The following DSCAML1 variants were observed in gnomAD, a reference collection of about 807,000 sequenced individuals.
The protein encoded by DSCAML1 is DS cell adhesion molecule like 1.
A neutral mutation model predicts 200.5 loss-of-function variants in DSCAML1; 38 were observed. The observed-to-expected ratio is 0.19, with a 90% CI of 0.15 to 0.25. The LOEUF is 0.25. Among genes scored for constraint, DSCAML1 ranks in the 10% least tolerant of loss-of-function variants. The pLI is 1.00. For synonymous variants in DSCAML1, 1,215 were observed against 1,165.0 expected, an observed-to-expected ratio of 1.04 and a Z score of -0.87; for missense variants, 2,223 against 2,858.8, an observed-to-expected ratio of 0.78 and a Z score of 5.07.
chr11:117,563,293 C>T (rs747711607), intron 3 of DSCAML1, among the ~76,000 whole-genome samples: 4 of 152,194 alleles, frequency 2.6e-5, no homozygotes, highest in Non-Finnish European at 5.9e-5. Flanking sequence ...CAAAGAACAG[C>T]TGAGAACCAG....
chr11:117,550,544 C>T (rs538642158), intron 3 of DSCAML1, among the ~76,000 whole-genome samples: 9 of 152,302 alleles, frequency 5.9e-5, no homozygotes, highest in African/African-American at 1.4e-4. Flanking sequence ...ATTTAGGTAA[C>T]GGTTTCACAC....
chr11:117,663,281 C>T (rs572424314), intron 3 of DSCAML1, among the ~76,000 whole-genome samples: 85 of 152,308 alleles, frequency 5.6e-4, no homozygotes, highest in African/African-American at 2.0e-3. Flanking sequence ...TCCACCTGGC[C>T]CTCCTACCTG....
chr11:117,720,380 C>CA (rs2137793526), intron 3 of DSCAML1, among the ~76,000 whole-genome samples: 1 of 152,164 alleles, frequency 6.6e-6, no homozygotes, highest in Non-Finnish European at 1.5e-5. Context: ...GAGATGGAGT[C>CA]AGACAGGCTG....
chr11:117,565,140 GC>G (rs957750179), intron 3 of DSCAML1, among the ~76,000 whole-genome samples: 1 of 151,934 alleles, frequency 6.6e-6, no homozygotes, highest in Non-Finnish European at 1.5e-5. Flanking sequence ...CTTCTCACCT[GC>G]TTTTTTCTGC....
At chr11:117,660,049 C>T (rs866976321) in intron 3 of DSCAML1, among the ~76,000 whole-genome samples, 5 of 152,202 alleles carry the variant, frequency 3.3e-5, no homozygotes, top group Admixed American at 6.5e-5. Flanking sequence ...TATCCCTAAG[C>T]TTACCTAGGG....
At chr11:117,590,427 G>A (rs1409977092) in intron 3 of DSCAML1, among the ~76,000 whole-genome samples, 4 of 151,654 alleles carry the variant, frequency 2.6e-5, no homozygotes, top group Non-Finnish European at 5.9e-5. Context: ...CACCATGAGG[G>A]ATGCATGCCA....
chr11:117,577,463 TTCC>T (rs2050957419), intron 3 of DSCAML1, among the ~76,000 whole-genome samples: 2 of 83,782 alleles, frequency 2.4e-5, no homozygotes, highest in African/African-American at 1.2e-4. Flanking sequence ...CTTCCTTTCC[TTCC>T]TTCCTTCCTT....
At chr11:117,581,479 G>A (rs149205993) in intron 3 of DSCAML1, among the ~76,000 whole-genome samples, 5 of 152,148 alleles carry the variant, frequency 3.3e-5, no homozygotes, top group African/African-American at 1.2e-4. Context: ...CCAGCTCCTG[G>A]CAACCACTGA....
At chr11:117,808,403 G>A (rs781021598) in intron 1 of DSCAML1, among the ~76,000 whole-genome samples, 29 of 152,240 alleles carry the variant, frequency 1.9e-4, no homozygotes, top group Middle Eastern at 6.8e-3. Context: ...GATAATAGGC[G>A]CATGCCCGAA....
chr11:117,636,226 G>A (rs577208690), intron 3 of DSCAML1, among the ~76,000 whole-genome samples: 1 of 152,258 alleles, frequency 6.6e-6, no homozygotes, highest in East Asian at 1.9e-4. Flanking sequence ...ACATTGCATC[G>A]AATTACATCC....
chr11:117,639,839 C>A (rs1435943161), intron 3 of DSCAML1, among the ~76,000 whole-genome samples: 1 of 152,152 alleles, frequency 6.6e-6, no homozygotes, highest in Non-Finnish European at 1.5e-5. Flanking sequence ...ATGCCTCCCG[C>A]TCCCTTCCTG....
intron 21 of DSCAML1, among the ~76,000 whole-genome samples, chr11:117,443,423 C>A (rs1430215582): frequency 6.6e-6 from 1 of 152,236 alleles, no homozygotes; most frequent in East Asian, 1.9e-4. Flanking sequence ...TAAAGGTCTG[C>A]GGATCGCAGG....
chr11:117,659,089 C>T (rs2137639075), intron 3 of DSCAML1, among the ~76,000 whole-genome samples: 1 of 152,332 alleles, frequency 6.6e-6, no homozygotes, highest in South Asian at 2.1e-4. Context: ...AGCACTGCTG[C>T]TATTTCAGAG....
At chr11:117,559,748 G>A (rs568480553) in intron 3 of DSCAML1, among the ~76,000 whole-genome samples, 4 of 152,234 alleles carry the variant, frequency 2.6e-5, no homozygotes, top group Non-Finnish European at 5.9e-5. Context: ...GCTGAAGAAG[G>A]GGCAGAGAGC....
intron 4 of DSCAML1, among the ~76,000 whole-genome samples, chr11:117,528,040 G>A (rs2050008536): frequency 6.6e-6 from 1 of 152,182 alleles, no homozygotes; most frequent in Non-Finnish European, 1.5e-5. Context: ...TCACAAGGCC[G>A]TTGCAGGCAA....
chr11:117,698,713 A>G (rs2053622310), intron 3 of DSCAML1, among the ~76,000 whole-genome samples: 1 of 152,144 alleles, frequency 6.6e-6, no homozygotes, highest in Non-Finnish European at 1.5e-5. Flanking sequence ...TATCGGCTAC[A>G]TGTATATCTT....
At chr11:117,521,691 T>C (rs1485943693) in intron 5 of DSCAML1, among the ~76,000 whole-genome samples, 1 of 152,068 alleles carries the variant, frequency 6.6e-6, no homozygotes, top group Non-Finnish European at 1.5e-5. Flanking sequence ...AGTGTGAGGC[T>C]CCCTCTGGCT....
At chr11:117,772,288 G>A (rs1209991554) in intron 3 of DSCAML1, among the ~76,000 whole-genome samples, 1 of 152,150 alleles carries the variant, frequency 6.6e-6, no homozygotes, top group African/African-American at 2.4e-5. Context: ...GGGCTGCAGG[G>A]AGGAAGCACT....
intron 3 of DSCAML1, among the ~76,000 whole-genome samples, chr11:117,590,320 C>G (rs2051234834): frequency 6.6e-6 from 1 of 151,146 alleles, no homozygotes; most frequent in South Asian, 2.1e-4. Flanking sequence ...TCCCAAGTAG[C>G]TAGGACTACA....
Sources: gnomAD v4.1 joint callset for allele counts (sites outside exome capture counted in the v4.1 genomes callset) on GRCh38, gnomAD v4.1.1 for gene constraint, MANE v1.5 for transcripts, NCBI Gene and HGNC (gene_info 2026-07-23, HGNC 2026-07-21) for gene names.